PSTPIP1: variants seen among roughly 807,000 people sequenced by gnomAD.
The protein encoded by PSTPIP1 is proline-serine-threonine phosphatase-interacting protein 1.
In PSTPIP1, 66 loss-of-function variants were observed where a neutral mutation model predicts 69.6. The observed-to-expected ratio is 0.95, with a 90% confidence interval of 0.78 to 1.16. The LOEUF is 1.16. Among genes scored for constraint, PSTPIP1 ranks in the 50% most tolerant of loss-of-function variants. The probability of loss-of-function intolerance (pLI) is 0.00; values close to 1 mark genes in which losing one functional copy is unlikely to be tolerated. For synonymous variants in PSTPIP1, 266 were observed against 222.7 expected (o/e 1.19, Z -1.73); for missense variants, 603 against 557.4 (o/e 1.08, Z -0.82).
intron 1 of PSTPIP1, chr15:77,008,120 G>A: frequency 4.4e-6 from 2 of 453,604 alleles, no homozygotes; most frequent in Non-Finnish European, 8.8e-6. Context: ...CTGGATCAGT[G>A]TCCCTGGAGC....
chr15:77,029,589 C>G lies in PSTPIP1; in HGVS notation c.562+15C>G, dbSNP rs770015686. The stretch of plus-strand genomic sequence containing the variant: ...CACCGAGGCAGGTATGTGGGCCTGG[C>G]TGCCCCGTCCGACCAGGGCGGAGGC... On this transcript the variant is annotated intron_variant, in intron 8 of 14. Coordinates refer to ENST00000558012, the MANE Select transcript of PSTPIP1 (RefSeq NM_003978.5). 6.4e-7 allele frequency: 1 copy of G among 1,567,290 alleles called. No individual in the cohort carries two copies. The highest frequency in any genetic ancestry group is 8.6e-7 in the Non-Finnish European group (1 of 1,157,060).
intron 1 of PSTPIP1, among the ~76,000 whole-genome samples, chr15:76,996,703 C>G (rs575683835): frequency 1.3e-5 from 2 of 152,378 alleles, no homozygotes; most frequent in Admixed American, 1.3e-4. Context: ...GCAAAGGACC[C>G]CACGTGGGGA....
Position 77,032,294 on chromosome 15 carries a change from C to G in PSTPIP1, c.742-4C>G. On this transcript the variant is annotated splice_region_variant and splice_polypyrimidine_tract_variant and intron_variant, in intron 10 of 14. Transcript: ENST00000558012. ...GCTGCGGCCTCTGCTCTTTCCTGCCCCAGCTCTACGAGGAAGTGCGGCTGA... is the reference window on the plus strand; with the variant it reads ...GCTGCGGCCTCTGCTCTTTCCTGCCGCAGCTCTACGAGGAAGTGCGGCTGA... The G allele has an allele frequency of 6.2e-7, 1 of 1,612,282 alleles. No homozygotes were observed. The highest frequency in any genetic ancestry group is 8.5e-7 in the Non-Finnish European group (1 of 1,179,584).
rs759640462 is a variant in PSTPIP1 at position 77,032,848 on chromosome 15, C to CT, written c.839-12dup. 6.6e-5 allele frequency: 103 copies of CT among 1,558,330 alleles called. No homozygotes were observed. The East Asian group carries it at 9.8e-4, about 15-fold the overall frequency. On this transcript the variant is annotated splice_polypyrimidine_tract_variant and intron_variant, in intron 11 of 14. Transcript: ENST00000558012. ...TTGGGGGCCGCCCTGGGGCTCACGG[C>CT]TTGCTGTCTGCAGCTCCGGTGCCCT...
At chr15:77,035,422 A>G (rs2076535921) in intron 12 of PSTPIP1, 86 bp from the exon 13 acceptor site, 1 of 1,383,282 alleles carries the variant, frequency 7.2e-7, no homozygotes, top group South Asian at 1.2e-5. Context: ...TGCAGCTCTG[A>G]GACCTCTCCC....
intron 1 of PSTPIP1, chr15:77,016,130 T>C: frequency 4.5e-6 from 2 of 446,108 alleles, no homozygotes; most frequent in Admixed American, 2.4e-5. Flanking sequence ...GAATGACAGG[T>C]CCCCTGAGAG....
rs1345924057 is a variant in PSTPIP1, at chr15:76,995,415, C to G, written c.-159C>G. 1.3e-6 allele frequency: 2 copies of G among 1,487,326 alleles called. No homozygotes were observed. The highest frequency in any genetic ancestry group is 1.8e-6 in the Non-Finnish European group (2 of 1,122,654). 92.1% of individuals were successfully genotyped at this position (1,487,326 alleles called of 1,614,324 possible). ...TTTTCCTCCCCTCAGAAGCTCCTCTCTGGCTCGTGGCTGCCTTCTGAGTGT... is the reference window on the plus strand; with the variant it reads ...TTTTCCTCCCCTCAGAAGCTCCTCTGTGGCTCGTGGCTGCCTTCTGAGTGT... On this transcript the variant is annotated 5_prime_UTR_variant, in exon 1 of 15. Coordinates refer to ENST00000558012, the MANE Select transcript of PSTPIP1 (RefSeq NM_003978.5).
rs535394390 is a variant in PSTPIP1 at position 77,035,520 on chromosome 15, G to A, written c.942G>A (p.Leu314=). The stretch of plus-strand genomic sequence containing the variant: ...TCCCTGTTCCCAGGTTCTCTGGACT[G>A]CTGCACGGAAGTCCCAAGACCACTT... ...SCGMIKRFSG[L]LHGSPKTTSL... is the part of the protein sequence containing the mutation. Residue 314 remains leucine (L), a synonymous_variant, in exon 13 of 15, where the codon CTG becomes CTA. Transcript: ENST00000558012. The A allele has an allele frequency of 5.7e-6, 9 of 1,592,212 alleles. No homozygotes were observed. In the South Asian group the frequency reaches 1.0e-4, roughly 18 times the overall value.
intron 14 of PSTPIP1, among the ~76,000 whole-genome samples, chr15:77,036,319 G>A (rs1596143078): frequency 6.6e-6 from 1 of 152,300 alleles, no homozygotes; most frequent in East Asian, 1.9e-4. Context: ...AGAGCCTGGA[G>A]CTGCCTGCAG....
rs34504488 is a variant in PSTPIP1, at chr15:77,027,632, A to AAGG, written c.355-218_355-216dup. 2,065 of 597,640 alleles carry AAGG rather than the reference A, an allele frequency of 3.5e-3. 24 individuals carry two copies. The highest frequency in any genetic ancestry group is 0.033 in the African/African-American group (1,804 of 54,698). 37.0% of individuals were successfully genotyped at this position (597,640 alleles called of 1,614,324 possible). On this transcript the variant is annotated intron_variant, in intron 5 of 14. Transcript: ENST00000558012. This position sits in a 1 kb window ranked among gnomAD's most constrained non-coding sequence, Gnocchi z 4.3. ...CGAAGCTCTGGCCAAGGTCTGCAGCAAGGACCTCACGGCACACCCATGCCC... is the reference window on the plus strand; with the variant it reads ...CGAAGCTCTGGCCAAGGTCTGCAGCAAGGAGGACCTCACGGCACACCCATGCCC...
rs1228406880 is a variant in PSTPIP1 at position 77,018,517 on chromosome 15, C to T, written c.198C>T (p.Gly66=). ...ELVQIARKAG[G]QTEINSLRAS... ...TGCAGATCGCACGGAAGGCAGGTGG[C>T]CAGACGGAGATCAAGTAAGATCTCC... Residue 66 remains glycine, a synonymous_variant, in exon 3 of 15, where the codon GGC becomes GGT. Transcript: ENST00000558012. 6.4e-7 allele frequency: 1 copy of T among 1,573,426 alleles called. No homozygotes were observed. The highest frequency in any genetic ancestry group is 1.2e-5 in the South Asian group (1 of 85,652).
At chr15:77,007,283 G>A (rs2075832965) in intron 1 of PSTPIP1, among the ~76,000 whole-genome samples, 1 of 152,196 alleles carries the variant, frequency 6.6e-6, no homozygotes, top group South Asian at 2.1e-4. Flanking sequence ...AGGAATTAAT[G>A]TCTGTCCCGG....
chr15:77,004,929 C>T (rs2075786495), intron 1 of PSTPIP1, among the ~76,000 whole-genome samples: 1 of 152,014 alleles, frequency 6.6e-6, no homozygotes, highest in Admixed American at 6.5e-5. Flanking sequence ...TCTTGTAGGA[C>T]TGTCATTCTA....
At chr15:77,031,136 T>C (rs771543664) in intron 9 of PSTPIP1, 44 bp from the exon 10 acceptor site, 2 of 1,576,666 alleles carry the variant, frequency 1.3e-6, no homozygotes, top group Non-Finnish European at 8.7e-7. Context: ...GGCCGGGCCC[T>C]GCAGCCGCCT....
In PSTPIP1 at chr15:77,025,616, G is replaced by T. The variant is rs1343073305; in HGVS notation, c.354+12G>T. ...AGCAGAGGAAGAAGGTGAGGCAGGT[G>T]CAGGGGGCGGGGGAGCTGCTCCCCC... On this transcript the variant is annotated intron_variant, in intron 5 of 14. Transcript: ENST00000558012. 2.0e-6 allele frequency: 3 copies of T among 1,537,602 alleles called. No homozygotes were observed. In the Admixed American group the frequency reaches 5.9e-5, roughly 30 times the overall value.
intron 10 of PSTPIP1, 120 bp from the exon 11 acceptor site, chr15:77,032,178 C>A: frequency 2.1e-6 from 2 of 973,056 alleles, no homozygotes; most frequent in Non-Finnish European, 3.1e-6. Context: ...GATCAAAGAC[C>A]CCGAGCCGCG....
chr15:77,009,968 G>A (rs1230292857), intron 1 of PSTPIP1, among the ~76,000 whole-genome samples: 1 of 152,206 alleles, frequency 6.6e-6, no homozygotes, highest in African/African-American at 2.4e-5. Context: ...ACAGGCGGGA[G>A]TCCATTCGGC....
intron 3 of PSTPIP1, among the ~76,000 whole-genome samples, chr15:77,019,162 C>T (rs2076113285): frequency 6.6e-6 from 1 of 152,296 alleles, no homozygotes; most frequent in Non-Finnish European, 1.5e-5. Flanking sequence ...GGTCTCTGCA[C>T]GCAGACTGCT....
intron 1 of PSTPIP1, among the ~76,000 whole-genome samples, chr15:77,016,487 T>G (rs940369980): frequency 6.6e-6 from 1 of 151,942 alleles, no homozygotes; most frequent in East Asian, 1.9e-4. Flanking sequence ...AACCTGGACA[T>G]GGGGGTGGGC....
Sources: gnomAD v4.1 joint callset for allele counts (sites outside exome capture counted in the v4.1 genomes callset) on GRCh38, gnomAD v4.1.1 for gene constraint, Gnocchi (gnomAD v3.1) non-coding constraint, MANE v1.5 for transcripts, NCBI Gene and HGNC (gene_info 2026-07-23, HGNC 2026-07-21) for gene names.